Variants in DAB1 observed in about 807,000 individuals in gnomAD.
DAB1 encodes the protein DAB adaptor protein 1.
DAB1 carries 15 observed loss-of-function variants against 64.6 expected under a neutral mutation model. The ratio of observed to expected loss-of-function variants is 0.23; its 90% CI spans 0.16 to 0.36. DAB1 has a LOEUF of 0.36. Ranked by LOEUF, DAB1 falls within the 10% of genes least tolerant of loss-of-function variation. The pLI, the probability that DAB1 is intolerant of heterozygous loss-of-function variation, is 1.00. For synonymous variants in DAB1, 235 were observed against 251.9 expected (o/e 0.93, Z 0.64); for missense variants, 596 against 706.7 (o/e 0.84, Z 1.78).
intron 2 of DAB1, among the ~76,000 whole-genome samples, chr1:57,200,476 G>C (rs1156469825): frequency 6.6e-6 from 1 of 152,176 alleles, no homozygotes; most frequent in African/African-American, 2.4e-5. Context: ...TAGTGGTTAC[G>C]AGCATGTAGT....
intron 7 of DAB1, among the ~76,000 whole-genome samples, chr1:57,577,935 G>T (rs1455395967): frequency 1.3e-5 from 2 of 152,166 alleles, no homozygotes; most frequent in Admixed American, 1.3e-4. Flanking sequence ...ATATAAAACA[G>T]CTGGTTCTGA....
At chr1:57,650,124 C>T (rs907219864) in intron 6 of DAB1, among the ~76,000 whole-genome samples, 4 of 152,246 alleles carry the variant, frequency 2.6e-5, no homozygotes, top group African/African-American at 7.2e-5. Flanking sequence ...ATTCAGCTTC[C>T]GGATTCCTTC....
intron 2 of DAB1, among the ~76,000 whole-genome samples, chr1:57,256,539 CAA>C (rs1187784679): frequency 6.7e-6 from 1 of 150,212 alleles, no homozygotes; most frequent in African/African-American, 2.5e-5. Flanking sequence ...CTCAGATACA[CAA>C]AGAGTCCTTC....
At chr1:57,770,544 A>C (rs1649513257) in intron 6 of DAB1, among the ~76,000 whole-genome samples, 1 of 152,128 alleles carries the variant, frequency 6.6e-6, no homozygotes, top group African/African-American at 2.4e-5. Flanking sequence ...ATGAGCCTTC[A>C]TGCCTGCCCA....
At chr1:58,029,573 A>T (rs1031739211) in intron 5 of DAB1, among the ~76,000 whole-genome samples, 1 of 152,268 alleles carries the variant, frequency 6.6e-6, no homozygotes, top group Non-Finnish European at 1.5e-5. Context: ...CTCATCCAAC[A>T]TAGAATTTGA....
intron 5 of DAB1, among the ~76,000 whole-genome samples, chr1:58,067,297 G>A (rs1258838620): frequency 6.6e-6 from 1 of 152,216 alleles, no homozygotes; most frequent in Non-Finnish European, 1.5e-5. Flanking sequence ...TGGCATAGAT[G>A]AGGCATTCGT....
intron 5 of DAB1, among the ~76,000 whole-genome samples, chr1:57,928,230 C>A (rs897930003): frequency 2.0e-5 from 3 of 152,070 alleles, no homozygotes; most frequent in Non-Finnish European, 4.4e-5. Flanking sequence ...CAAGCACATT[C>A]CCATTCAGAC....
intron 5 of DAB1, among the ~76,000 whole-genome samples, chr1:57,986,084 C>A (rs1646210461): frequency 6.6e-6 from 1 of 152,142 alleles, no homozygotes; most frequent in African/African-American, 2.4e-5. Flanking sequence ...GACACAGAGG[C>A]CAGTATAGGA....
chr1:58,342,558 T>C (rs1465656089), intron 4 of DAB1, among the ~76,000 whole-genome samples: 1 of 152,192 alleles, frequency 6.6e-6, no homozygotes, highest in Non-Finnish European at 1.5e-5. Context: ...GCTCATATAC[T>C]TAACTGATCA....
At chr1:58,329,623 C>A (rs1389790657) in intron 4 of DAB1, among the ~76,000 whole-genome samples, 1 of 152,184 alleles carries the variant, frequency 6.6e-6, no homozygotes, top group Non-Finnish European at 1.5e-5. Context: ...CTGTGACAAG[C>A]AAGTCTATCA....
At chr1:57,957,160 A>G (rs1483865916) in intron 5 of DAB1, among the ~76,000 whole-genome samples, 2 of 152,244 alleles carry the variant, frequency 1.3e-5, no homozygotes, top group Non-Finnish European at 2.9e-5. Flanking sequence ...TTGTACAGGG[A>G]CATGACTGGA....
intron 7 of DAB1, among the ~76,000 whole-genome samples, chr1:57,472,346 T>C (rs1687168020): frequency 6.6e-6 from 1 of 152,238 alleles, no homozygotes; most frequent in Non-Finnish European, 1.5e-5. Context: ...GACCTATTTT[T>C]ACTTTGAAAC....
chr1:57,607,071 G>A (rs1240115148), intron 7 of DAB1, among the ~76,000 whole-genome samples: 2 of 151,864 alleles, frequency 1.3e-5, no homozygotes, highest in Non-Finnish European at 2.9e-5. Context: ...ACAGGTGTGT[G>A]AGCCACCATG....
intron 2 of DAB1, among the ~76,000 whole-genome samples, chr1:57,256,763 C>A (rs1487905897): frequency 1.3e-5 from 2 of 152,144 alleles, no homozygotes; most frequent in Non-Finnish European, 2.9e-5. Context: ...GCTCAGCTAG[C>A]CTGTTTCTTC....
At position 57,288,087 on chromosome 1, in the gene DAB1, C is replaced by T. The variant is rs139476804; in HGVS notation, c.67+2877G>A. ...CAGGGATTACAGGCGTGAGCCACTA[C>T]GCCCAGCCCTTCTCTCTCATTTTAA... On this transcript the variant is annotated intron_variant, in intron 2 of 14. Coordinates refer to ENST00000371236, the MANE Select transcript of DAB1 (RefSeq NM_001365792.1). Among the ~76,000 whole-genome samples the T allele has an allele frequency of 3.5e-3, 538 of 152,288 alleles. 2 individuals are homozygous for T. The highest frequency in any genetic ancestry group is 0.012 in the African/African-American group (508 of 41,574).
At chr1:57,350,865 T>G (rs533771499) in intron 1 of DAB1, among the ~76,000 whole-genome samples, 1 of 152,180 alleles carries the variant, frequency 6.6e-6, no homozygotes. Context: ...TGAGTCTATA[T>G]ATCTGGCTCA....
rs141218363 is a variant in DAB1 at position 58,008,534 on chromosome 1, T to C, written n.388-124372A>G. ...GGACAGAGAACAGCCTGAACAAAGATTAAAAAGCTGGAAATCATGGATAAA... is the reference window on the plus strand; with the variant it reads ...GGACAGAGAACAGCCTGAACAAAGACTAAAAAGCTGGAAATCATGGATAAA... On this transcript the variant is annotated intron_variant and non_coding_transcript_variant, in intron 5 of 20. Coordinates refer to the DAB1 transcript ENST00000485760. Among the ~76,000 whole-genome samples the C allele has an allele frequency of 5.4e-3, 820 of 152,114 alleles. 8 individuals are homozygous for C. Among genetic ancestry groups the C allele is most frequent in the Middle Eastern group, 0.037 (11 of 294 alleles).
chr1:58,359,604 C>G (rs1051140113), intron 3 of DAB1, among the ~76,000 whole-genome samples: 1 of 151,494 alleles, frequency 6.6e-6, no homozygotes, highest in African/African-American at 2.4e-5. Context: ...GCGTACCTAC[C>G]ACCTGGCTCT....
Position 56,996,766 on chromosome 1 carries a change from C to T in DAB1, c.*1378G>A, listed in dbSNP as rs564707775. ...CTTCCTACCATATGCTCCAGAATAA[C>T]GTCTGGAAAGTGAGCCCCATCCATC... On this transcript the variant is annotated 3_prime_UTR_variant, in exon 15 of 15. Coordinates refer to ENST00000371236, the MANE Select transcript of DAB1 (RefSeq NM_001365792.1). 7 of 152,408 alleles carry T rather than the reference C, an allele frequency of 4.6e-5. No individual in the cohort carries two copies. In the South Asian group the frequency reaches 1.5e-3, roughly 32 times the overall value. 9.4% of individuals were successfully genotyped at this position (152,408 alleles called of 1,614,324 possible). A position where few individuals can be genotyped will look rare whatever the true frequency, so the allele number is the denominator to read the frequency against.
Sources: allele counts gnomAD v4.1 joint callset (sites outside exome capture counted in the v4.1 genomes callset), GRCh38; gene constraint gnomAD v4.1.1; transcripts MANE v1.5; gene names NCBI Gene and HGNC (gene_info 2026-07-23, HGNC 2026-07-21).